The following RASEF variants were observed in gnomAD, a reference collection of about 807,000 sequenced individuals.
RASEF encodes ras and EF-hand domain-containing protein.
RASEF carries 68 observed loss-of-function variants against 90.1 expected under a neutral mutation model. That is an observed-to-expected ratio of 0.75 (90% CI 0.62 to 0.92). RASEF has a LOEUF of 0.92. RASEF is among the 40% of genes least tolerant of loss of function. RASEF has a pLI of 0.00. For missense variants in RASEF, 949 were observed against 937.2 expected (o/e 1.01, Z -0.16); for synonymous variants, 331 against 345.2 (o/e 0.96, Z 0.46).
the RASEF span, among the ~76,000 whole-genome samples, chr9:83,124,887 A>G: frequency 6.6e-6 from 1 of 152,156 alleles, no homozygotes; most frequent in East Asian, 1.9e-4. Flanking sequence ...GTAGTTAGAA[A>G]AAACCCCACA....
the RASEF span, chr9:83,201,176 A>G: frequency 6.8e-6 from 1 of 148,008 alleles, no homozygotes; most frequent in African/African-American, 2.7e-5. Flanking sequence ...AGGCTGCTGT[A>G]CCCTGGCTGT....
chr9:83,160,899 AGCCCCAAGCCTT>A, the RASEF span, among the ~76,000 whole-genome samples: 1 of 152,180 alleles, frequency 6.6e-6, no homozygotes, highest in Non-Finnish European at 1.5e-5. Flanking sequence ...ACAGGGTGCA[AGCCCCAAGCCTT>A]GGCATCCTCC....
chr9:82,991,600 G>A (rs958822298), intron 15 of RASEF, among the ~76,000 whole-genome samples: 10 of 152,168 alleles, frequency 6.6e-5, no homozygotes, highest in African/African-American at 1.4e-4. Flanking sequence ...ACCTTTACTC[G>A]TAAGCCCACA....
chr9:83,061,914 C>G (rs1052966187), intron 1 of RASEF, among the ~76,000 whole-genome samples: 3 of 152,220 alleles, frequency 2.0e-5, no homozygotes, highest in African/African-American at 7.2e-5. Context: ...TGCGTGAACT[C>G]TGTAAAATGC....
At chr9:83,145,837 G>C in the RASEF span, among the ~76,000 whole-genome samples, 1 of 152,072 alleles carries the variant, frequency 6.6e-6, no homozygotes, top group East Asian at 1.9e-4. Flanking sequence ...TTTGGGTCTG[G>C]ATTCCCTAGT....
chr9:83,128,026 T>C, the RASEF span, among the ~76,000 whole-genome samples: 3 of 34,490 alleles, frequency 8.7e-5, no homozygotes, highest in East Asian at 8.8e-3. Context: ...TTTTCTTTTC[T>C]TTTTTTTTTT....
chr9:83,153,024 TG>T, the RASEF span, among the ~76,000 whole-genome samples: 1 of 152,334 alleles, frequency 6.6e-6, no homozygotes, highest in African/African-American at 2.4e-5. Flanking sequence ...TGCTTAATTT[TG>T]CCATGAAGGA....
At chr9:83,159,601 T>C in the RASEF span, among the ~76,000 whole-genome samples, 1 of 152,242 alleles carries the variant, frequency 6.6e-6, no homozygotes, top group African/African-American at 2.4e-5. Flanking sequence ...AGACATTTTA[T>C]GGAGCTCCTA....
chr9:83,086,278 T>A, the RASEF span, among the ~76,000 whole-genome samples: 1 of 151,882 alleles, frequency 6.6e-6, no homozygotes, highest in Non-Finnish European at 1.5e-5. Flanking sequence ...CGTAGATTCA[T>A]TTTTTTTATA....
the RASEF span, among the ~76,000 whole-genome samples, chr9:83,199,224 T>TAAA: frequency 1.0e-4 from 12 of 118,656 alleles, no homozygotes; most frequent in Non-Finnish European, 1.9e-4. Context: ...AGCCCTAATT[T>TAAA]AAAAAAAAAA....
the RASEF span, among the ~76,000 whole-genome samples, chr9:83,164,372 T>TATATATATATAG: frequency 6.9e-6 from 1 of 145,754 alleles, no homozygotes; most frequent in Non-Finnish European, 1.5e-5. Context: ...TATATATATA[T>TATATATATATAG]ATGTGTGTGT....
At chr9:83,093,093 C>G in the RASEF span, among the ~76,000 whole-genome samples, 3 of 152,122 alleles carry the variant, frequency 2.0e-5, no homozygotes, top group Non-Finnish European at 4.4e-5. Flanking sequence ...GCTCACAAAC[C>G]CTGAGCTAGA....
chr9:83,000,377 C>T, intron 11 of RASEF, 56 bp downstream of exon 11: 1 of 1,611,804 alleles, frequency 6.2e-7, no homozygotes, highest in South Asian at 1.1e-5. Flanking sequence ...TAATAAGTAA[C>T]ACTGCACAGA....
At position 82,982,385 on chromosome 9, in the gene RASEF, ATTTCTTTTCT is replaced by A. The variant is rs10538467; in HGVS notation, c.*282_*291del. On this transcript the variant is annotated 3_prime_UTR_variant, in exon 17 of 17. Coordinates refer to ENST00000376447, the MANE Select transcript of RASEF (RefSeq NM_152573.4). ...TCTACAGCTTTGATCTGAGCATGTG[ATTTCTTTTCT>A]TTTCTTTTTTTTTACCATTTTAAAA... 115,561 of 211,844 alleles carry A rather than the reference ATTTCTTTTCT, an allele frequency of 0.55. 32,060 individuals are homozygous for A. Among genetic ancestry groups the A allele is most frequent in the East Asian group, 0.82 (7,789 of 9,488 alleles). 13.1% of individuals were successfully genotyped at this position (211,844 alleles called of 1,614,324 possible). A position where few individuals can be genotyped will look rare whatever the true frequency, so the allele number is the denominator to read the frequency against.
chr9:83,164,897 T>C, the RASEF span, among the ~76,000 whole-genome samples: 1 of 151,926 alleles, frequency 6.6e-6, no homozygotes, highest in Non-Finnish European at 1.5e-5. Flanking sequence ...ATAAAAGTTA[T>C]CATGAATATA....
the RASEF span, among the ~76,000 whole-genome samples, chr9:83,082,417 C>T: frequency 6.6e-6 from 1 of 152,212 alleles, no homozygotes. Flanking sequence ...CCTTTTATCT[C>T]AGCAGATGAA....
chr9:83,085,274 A>G, the RASEF span, among the ~76,000 whole-genome samples: 9 of 152,226 alleles, frequency 5.9e-5, no homozygotes, highest in African/African-American at 2.2e-4. Flanking sequence ...GTTATTCTAA[A>G]CCATTATCAT....
chr9:82,985,680 C>A lies in RASEF; in HGVS notation c.2118-2898G>T, dbSNP rs1208556163. ...AGAAACCCTGAGGCAGAAATTCTTGCACTAGCCCAGGTAGGGAATTTTGAG... is the reference window on the plus strand; with the variant it reads ...AGAAACCCTGAGGCAGAAATTCTTGAACTAGCCCAGGTAGGGAATTTTGAG... On this transcript the variant is annotated intron_variant, in intron 16 of 16. Coordinates refer to ENST00000376447, the MANE Select transcript of RASEF (RefSeq NM_152573.4). 2.6e-5 allele frequency among the ~76,000 whole-genome samples: 4 copies of A among 152,272 alleles called. No homozygotes were observed. The East Asian group carries it at 7.7e-4, about 29-fold the overall frequency.
chr9:83,063,268 C>A, upstream of RASEF: 1 of 192,128 alleles, frequency 5.2e-6, no homozygotes, highest in Non-Finnish European at 1.0e-5. Flanking sequence ...CGCTGCTTGC[C>A]GCGCAGGTGG....
Sources: allele counts gnomAD v4.1 joint callset (sites outside exome capture counted in the v4.1 genomes callset), GRCh38; gene constraint gnomAD v4.1.1; transcripts MANE v1.5; gene names NCBI Gene and HGNC (gene_info 2026-07-23, HGNC 2026-07-21).